Variants in DPP6 observed in about 807,000 individuals in gnomAD.
DPP6 encodes dipeptidyl peptidase like 6.
A neutral mutation model predicts 122.6 loss-of-function variants in DPP6; 69 were observed. That is an observed-to-expected ratio of 0.56 (90% CI 0.46 to 0.69). The LOEUF (loss-of-function observed/expected upper bound fraction) is 0.69. Among genes scored for constraint, DPP6 ranks in the 30% least tolerant of loss-of-function variants. The pLI is 0.00. For synonymous variants in DPP6, 418 were observed against 433.1 expected, an observed-to-expected ratio of 0.97 and a Z score of 0.43; for missense variants, 928 against 1,116.9, an observed-to-expected ratio of 0.83 and a Z score of 2.41.
chr7:154,804,775 G>A lies in DPP6; in HGVS notation c.1500-142G>A. ...ACCCCCTGCTCTGGTCACAGGTGTAGCTGGACCTGAACAGGGGAGCTACTC... is the reference window on the plus strand; with the variant it reads ...ACCCCCTGCTCTGGTCACAGGTGTAACTGGACCTGAACAGGGGAGCTACTC... On this transcript the variant is annotated intron_variant, in intron 14 of 25. Coordinates refer to ENST00000377770, the MANE Select transcript of DPP6 (RefSeq NM_130797.4). 5 of 1,174,450 alleles carry A rather than the reference G, an allele frequency of 4.3e-6. No individual in the cohort carries two copies. The South Asian group carries it at 6.6e-5, about 15-fold the overall frequency. The allele number at this position is 1,174,450 out of a possible 1,614,324, so 72.8% of individuals were successfully genotyped here.
chr7:153,939,712 T>C (rs373793103), intron 1 of DPP6, among the ~76,000 whole-genome samples: 4 of 152,376 alleles, frequency 2.6e-5, no homozygotes, highest in South Asian at 4.1e-4. Flanking sequence ...GGGAACTCCA[T>C]GCTCTCATAT....
At chr7:153,876,284 G>T in the DPP6 span, among the ~76,000 whole-genome samples, 166 of 152,006 alleles carry the variant, frequency 1.1e-3, no homozygotes, top group African/African-American at 3.8e-3. Context: ...AAATCACAAT[G>T]AGCTAACTTG....
Position 154,865,047 on chromosome 7 carries a change from G to A in DPP6, c.1715-2948G>A, listed in dbSNP as rs764373521. The stretch of plus-strand genomic sequence containing the variant: ...CATGCATATATATGGAGACAAGAGC[G>A]TACTTTAACCAGCTGTAAGAGGGTC... On this transcript the variant is annotated intron_variant, in intron 17 of 25. Coordinates refer to ENST00000377770, the MANE Select transcript of DPP6 (RefSeq NM_130797.4). Among the ~76,000 whole-genome samples the A allele has an allele frequency of 5.3e-5, 8 of 152,164 alleles. No individual in the cohort carries two copies. In the South Asian group the frequency reaches 1.0e-3, roughly 20 times the overall value.
chr7:154,638,431 G>C (rs553505709), intron 6 of DPP6, among the ~76,000 whole-genome samples: 2 of 152,148 alleles, frequency 1.3e-5, no homozygotes, highest in Admixed American at 6.5e-5. Flanking sequence ...GGGTTTCAGC[G>C]GCGTGTTGTT....
chr7:153,813,296 G>A, the DPP6 span, among the ~76,000 whole-genome samples: 2 of 151,738 alleles, frequency 1.3e-5, no homozygotes, highest in Non-Finnish European at 2.9e-5. Context: ...CTGTTCTTGC[G>A]ATAGTTTACT....
At chr7:154,756,323 C>T (rs1843666419) in intron 8 of DPP6, among the ~76,000 whole-genome samples, 1 of 152,152 alleles carries the variant, frequency 6.6e-6, no homozygotes, top group African/African-American at 2.4e-5. Flanking sequence ...CCTCTGCTCC[C>T]TCAGTTGGGC....
At chr7:154,633,512 A>C (rs889032794) in intron 5 of DPP6, among the ~76,000 whole-genome samples, 1 of 152,264 alleles carries the variant, frequency 6.6e-6, no homozygotes, top group African/African-American at 2.4e-5. Flanking sequence ...CTGGGATTAC[A>C]GGCGTGAGCC....
chr7:154,085,509 T>C (rs1028718394), intron 1 of DPP6, among the ~76,000 whole-genome samples: 6 of 152,194 alleles, frequency 3.9e-5, no homozygotes, highest in Non-Finnish European at 7.3e-5. Flanking sequence ...AATAAGTAAG[T>C]TTTTAAAGTT....
At chr7:154,599,642 G>A (rs572831697) in intron 5 of DPP6, among the ~76,000 whole-genome samples, 57 of 151,898 alleles carry the variant, frequency 3.8e-4, no homozygotes, top group African/African-American at 1.3e-3. Context: ...TTTACATTAG[G>A]TATATCTCCT....
chr7:153,936,340 G>C (rs1402771522), intron 1 of DPP6, among the ~76,000 whole-genome samples: 2 of 152,174 alleles, frequency 1.3e-5, no homozygotes, highest in African/African-American at 4.8e-5. Context: ...CAGGCCAGCA[G>C]GATGGCTGGA....
chr7:153,970,754 C>T (rs1040537143), intron 1 of DPP6, among the ~76,000 whole-genome samples: 2 of 152,146 alleles, frequency 1.3e-5, no homozygotes, highest in African/African-American at 4.8e-5. Flanking sequence ...GTGATTGTCT[C>T]CATGGAGTTG....
intron 18 of DPP6, among the ~76,000 whole-genome samples, chr7:154,872,364 C>T (rs183536539): frequency 5.3e-5 from 8 of 152,014 alleles, no homozygotes; most frequent in Admixed American, 1.3e-4. Context: ...TCGAGTCTTC[C>T]GTGCATTCAG....
At chr7:153,787,174 T>G in the DPP6 span, among the ~76,000 whole-genome samples, 1 of 135,094 alleles carries the variant, frequency 7.4e-6, no homozygotes, top group Non-Finnish European at 1.6e-5. Context: ...ATGATCTTGA[T>G]CTCCTAACCT....
At chr7:154,792,880 G>A (rs943384595) in intron 10 of DPP6, among the ~76,000 whole-genome samples, 1 of 152,180 alleles carries the variant, frequency 6.6e-6, no homozygotes, top group East Asian at 1.9e-4. Flanking sequence ...CTGGCCATGC[G>A]CCAGCAGCCG....
At chr7:154,527,549 T>A (rs1436369941) in intron 3 of DPP6, among the ~76,000 whole-genome samples, 1 of 152,194 alleles carries the variant, frequency 6.6e-6, no homozygotes, top group Admixed American at 6.5e-5. Flanking sequence ...ATAAAATAAA[T>A]AATAGAACAC....
intron 1 of DPP6, among the ~76,000 whole-genome samples, chr7:154,113,412 T>TATATAC (rs1472172445): frequency 2.1e-5 from 3 of 141,790 alleles, no homozygotes; most frequent in East Asian, 2.2e-4. Flanking sequence ...TATATATATA[T>TATATAC]ACACACACAC....
chr7:154,482,770 T>A (rs1823420364), intron 3 of DPP6, among the ~76,000 whole-genome samples: 1 of 152,160 alleles, frequency 6.6e-6, no homozygotes. Context: ...GGAAAGGAAG[T>A]GGCAGGTGTA....
chr7:154,551,961 G>A (rs1032738441), intron 4 of DPP6, among the ~76,000 whole-genome samples: 2 of 152,136 alleles, frequency 1.3e-5, no homozygotes, highest in Admixed American at 6.5e-5. Context: ...GGTGCTATTG[G>A]AAGTAAGTCT....
chr7:154,887,446 G>A (rs961728006), intron 22 of DPP6, among the ~76,000 whole-genome samples: 5 of 152,142 alleles, frequency 3.3e-5, no homozygotes, highest in East Asian at 1.9e-4. Flanking sequence ...TTGCAACACC[G>A]GCACTCACAC....
Sources: gnomAD v4.1 joint callset for allele counts (sites outside exome capture counted in the v4.1 genomes callset) on GRCh38, gnomAD v4.1.1 for gene constraint, MANE v1.5 for transcripts, NCBI Gene and HGNC (gene_info 2026-07-23, HGNC 2026-07-21) for gene names.